The following ZNF100 variants were observed in gnomAD, a reference collection of about 807,000 sequenced individuals.
The protein encoded by ZNF100 is zinc finger protein 100 (Y1).
A neutral mutation model predicts 15.8 loss-of-function variants in ZNF100; 12 were observed. The ratio of observed to expected loss-of-function variants is 0.76; its 90% CI spans 0.49 to 1.23. The LOEUF (loss-of-function observed/expected upper bound fraction) is 1.23. Among genes scored for constraint, ZNF100 ranks in the 50% most tolerant of loss-of-function variants. The probability of loss-of-function intolerance (pLI) is 0.00; values close to 1 mark genes in which losing one functional copy is unlikely to be tolerated. For synonymous variants in ZNF100, 226 were observed against 214.8 expected, an observed-to-expected ratio of 1.05 and a Z score of -0.45; for missense variants, 670 against 635.6, an observed-to-expected ratio of 1.05 and a Z score of -0.58.
chr19:21,750,928 C>T (rs1447725180), intron 2 of ZNF100: 2 of 691,036 alleles, frequency 2.9e-6, no homozygotes, highest in Non-Finnish European at 4.9e-6. Flanking sequence ...AGCTGTACTG[C>T]GCAACCGACA....
At chr19:21,741,976 T>C (rs1448081968) in intron 4 of ZNF100, among the ~76,000 whole-genome samples, 1 of 152,092 alleles carries the variant, frequency 6.6e-6, no homozygotes, top group African/African-American at 2.4e-5. Context: ...CCACCATGTC[T>C]GGCCTTGAAA....
intron 4 of ZNF100, among the ~76,000 whole-genome samples, chr19:21,740,745 T>C (rs1359006872): frequency 2.0e-5 from 3 of 151,784 alleles, no homozygotes; most frequent in Non-Finnish European, 4.4e-5. Context: ...TCCATTACAA[T>C]GGCCACTATA....
rs189007199 is a variant in ZNF100, at chr19:21,722,967, T to A, written c.*3716A>T. 1.3e-5 allele frequency: 2 copies of A among 152,138 alleles called. No individual in the cohort carries two copies. Among genetic ancestry groups the A allele is most frequent in the East Asian group, 3.9e-4 (2 of 5,182 alleles). 9.4% of individuals were successfully genotyped at this position (152,138 alleles called of 1,614,324 possible). ...TATTCTGATTTAATCTTCTCACCTG[T>A]GGACAATGTATGCTTTTATCTTAAC... is the stretch of plus-strand genomic sequence containing the variant. On this transcript the variant is annotated 3_prime_UTR_variant, in exon 5 of 5. Coordinates refer to ENST00000358296, the MANE Select transcript of ZNF100 (RefSeq NM_173531.4).
chr19:21,732,221 T>A (rs1427662124), intron 4 of ZNF100, among the ~76,000 whole-genome samples: 2 of 152,162 alleles, frequency 1.3e-5, no homozygotes, highest in African/African-American at 4.8e-5. Context: ...AATGAACAAT[T>A]AATACCAAGA....
rs779649378 is a variant in ZNF100, at chr19:21,744,053, T to C, written c.286A>G (p.Asn96Asp). The C allele has an allele frequency of 1.1e-5, 18 of 1,612,842 alleles. No homozygotes were observed. In the African/African-American group the frequency reaches 2.4e-4, roughly 22 times the overall value. ...GCTACCATCTCATGTCTCTTTATAT[T>C]CCAGGGCTCTTTTCCTTGCTCCAGA... ...TCLEQGKEPW[N>D]IKRHEMVAKP... is the part of the protein sequence containing the mutation. The change falls in exon 4 of 5, where the codon AAT becomes GAT. Residue 96 changes from asparagine to aspartate, a missense_variant. Asn to Asp is a conservative substitution (Grantham distance 23, BLOSUM62 1). Transcript: ENST00000358296.
chr19:21,735,270 G>A lies in ZNF100; in HGVS notation c.323-7281C>T, dbSNP rs1284329931. On this transcript the variant is annotated intron_variant, in intron 4 of 4. Coordinates refer to ENST00000358296, the MANE Select transcript of ZNF100 (RefSeq NM_173531.4). ...AGAACTTTTGGAGGCCGAGGTGGGT[G>A]GATCATGAGGTCAGGAGATCGAGAC... Among the ~76,000 whole-genome samples the A allele has an allele frequency of 2.0e-5, 3 of 152,106 alleles. No homozygotes were observed. In the East Asian group the frequency reaches 5.8e-4, roughly 29 times the overall value.
chr19:21,765,359 T>C (rs1389218070), intron 2 of ZNF100, among the ~76,000 whole-genome samples: 2 of 152,176 alleles, frequency 1.3e-5, no homozygotes, highest in African/African-American at 4.8e-5. Context: ...ACTTATGTGC[T>C]CAAGAACCAC....
chr19:21,747,583 G>C lies in ZNF100; in HGVS notation c.97-2516C>G, dbSNP rs556480916. Among the ~76,000 whole-genome samples, 3 of 150,780 alleles carry C rather than the reference G, an allele frequency of 2.0e-5. No homozygotes were observed. The South Asian group carries it at 6.3e-4, about 32-fold the overall frequency. ...CCCCAGGCTCATCATTAGCATTAGT[G>C]AGAGAAAGCAGGCACCGCACAGAGT... On this transcript the variant is annotated intron_variant, in intron 2 of 4. Transcript: ENST00000358296.
rs2036169660 is a variant in ZNF100, at chr19:21,744,111, A to T, written c.228T>A (p.Gly76=). Reference sequence around the variant, plus strand: ...TCAGGTCTGGCTTAGTGAGAGCAATACCTGCTTTATTAGAAATAAATAACA... The same window carrying T: ...TCAGGTCTGGCTTAGTGAGAGCAATTCCTGCTTTATTAGAAATAAATAACA... The part of the protein sequence containing the change: ...ENYRNLVFLA[G]IALTKPDLIT... Residue 76 remains glycine (G), a synonymous_variant, in exon 4 of 5, where the codon GGT becomes GGA. Transcript: ENST00000358296. The T allele has an allele frequency of 6.2e-7, 1 of 1,603,416 alleles. No homozygotes were observed. The highest frequency in any genetic ancestry group is 8.5e-7 in the Non-Finnish European group (1 of 1,176,256).
intron 4 of ZNF100, among the ~76,000 whole-genome samples, chr19:21,739,537 C>T (rs1275589219): frequency 2.0e-5 from 3 of 152,074 alleles, no homozygotes; most frequent in East Asian, 1.9e-4. Flanking sequence ...GCCTGGGTGA[C>T]GGAGTATGAT....
chr19:21,732,054 C>G (rs1019826200), intron 4 of ZNF100, among the ~76,000 whole-genome samples: 2 of 152,088 alleles, frequency 1.3e-5, no homozygotes, highest in African/African-American at 4.8e-5. Flanking sequence ...AGTTCGAGAC[C>G]AGCCTGGCCA....
chr19:21,765,579 AAATT>A, intron 2 of ZNF100, 111 bp downstream of exon 2: 1 of 895,072 alleles, frequency 1.1e-6, no homozygotes, highest in East Asian at 2.4e-5. Context: ...CAGGGAGCAG[AAATT>A]ATTTTTGTGT....
rs1249954658 is a variant in ZNF100 at position 21,726,804 on chromosome 19, T to A, written c.1508A>T (p.His503Leu). 6.2e-7 allele frequency: 1 copy of A among 1,613,780 alleles called. No individual in the cohort carries two copies. The highest frequency in any genetic ancestry group is 2.2e-5 in the East Asian group (1 of 44,878). The change falls in exon 5 of 5, where the codon CAT (histidine) becomes CTT (leucine). Residue 503 changes from histidine (H) to leucine (L), a missense_variant. His to Leu is a moderately conservative substitution (Grantham distance 99). Coordinates refer to ENST00000358296, the MANE Select transcript of ZNF100 (RefSeq NM_173531.4). Reference sequence around the variant, plus strand: ...TTTCTCTCCAGTATGAGTTATCTTATGTTTAGTAAGGGTTGAGGATCGGTT... The same window carrying A: ...TTTCTCTCCAGTATGAGTTATCTTAAGTTTAGTAAGGGTTGAGGATCGGTT... ...AFNRSSTLTK[H>L]KITHTGEKSY...
At position 21,727,583 on chromosome 19, in the gene ZNF100, G is replaced by T. The variant is rs770983472; in HGVS notation, c.729C>A (p.Asn243Lys). Residue 243 changes from asparagine (N) to lysine (K), a missense_variant, in exon 5 of 5, where the codon AAC (asparagine) becomes AAA (lysine). By Grantham distance (94) the Asn-to-Lys change is moderately conservative. Transcript: ENST00000358296. ...TGTGTGTAGTAAGGGTTGAGAACCA[G>T]TTGAAGGCTTTGCCACAATCTTTAC... ...YQCKDCGKAF[N>K]WFSTLTTHRR... 6.2e-7 allele frequency: 1 copy of T among 1,613,500 alleles called. No homozygotes were observed. The highest frequency in any genetic ancestry group is 1.1e-5 in the South Asian group (1 of 90,992).
At chr19:21,733,206 C>T (rs562573665) in intron 4 of ZNF100, among the ~76,000 whole-genome samples, 3 of 152,204 alleles carry the variant, frequency 2.0e-5, no homozygotes, top group South Asian at 2.1e-4. Flanking sequence ...TAATGATGCA[C>T]ATAAAACCCT....
chr19:21,728,842 GAAT>G (rs933190378), intron 4 of ZNF100, among the ~76,000 whole-genome samples: 20 of 151,632 alleles, frequency 1.3e-4, no homozygotes, highest in African/African-American at 4.8e-4. Context: ...AAAATAAATT[GAAT>G]AATACTCAGT....
chr19:21,744,606 G>A (rs1445413916), intron 3 of ZNF100, among the ~76,000 whole-genome samples: 6 of 151,978 alleles, frequency 3.9e-5, no homozygotes, highest in Admixed American at 2.6e-4. Flanking sequence ...TCCTGACCTC[G>A]TGACCCGCCT....
rs1232334058 is a variant in ZNF100 at position 21,722,776 on chromosome 19, TTATTA to T, written c.*3902_*3906del. 2.0e-5 allele frequency: 3 copies of T among 148,528 alleles called. No individual in the cohort carries two copies. The highest frequency in any genetic ancestry group is 4.5e-5 in the Non-Finnish European group (3 of 67,070). 9.2% of individuals were successfully genotyped at this position (148,528 alleles called of 1,614,324 possible). A position where few individuals can be genotyped will look rare whatever the true frequency, so the allele number is the denominator to read the frequency against. On this transcript the variant is annotated 3_prime_UTR_variant, in exon 5 of 5. Coordinates refer to ENST00000358296, the MANE Select transcript of ZNF100 (RefSeq NM_173531.4). ...GAAAAAAAAAAATTATGTTATACTTTTATTATATAAGTATATATTTTAATAAAAGT... is the reference window on the plus strand; with the variant it reads ...GAAAAAAAAAAATTATGTTATACTTTTATAAGTATATATTTTAATAAAAGT...
In ZNF100 at chr19:21,723,832, A is replaced by G. The variant is rs1446079716; in HGVS notation, c.*2851T>C. On this transcript the variant is annotated 3_prime_UTR_variant, in exon 5 of 5. Transcript: ENST00000358296. ...GTACTTACCTGAACAAATTGACTCA[A>G]TAAATAAATTTACTTATGTCAACTA... is the stretch of plus-strand genomic sequence containing the variant. The G allele has an allele frequency of 6.6e-6, 1 of 152,212 alleles. No individual in the cohort carries two copies. The highest frequency in any genetic ancestry group is 1.9e-4 in the East Asian group (1 of 5,202). 9.4% of individuals were successfully genotyped at this position (152,212 alleles called of 1,614,324 possible). A position where few individuals can be genotyped will look rare whatever the true frequency, so the allele number is the denominator to read the frequency against.
Sources: gnomAD v4.1 joint callset for allele counts (sites outside exome capture counted in the v4.1 genomes callset) on GRCh38, gnomAD v4.1.1 for gene constraint, MANE v1.5 for transcripts, NCBI Gene and HGNC (gene_info 2026-07-23, HGNC 2026-07-21) for gene names.